The following PRR5L variants were observed in gnomAD, a reference collection of about 807,000 sequenced individuals.
PRR5L encodes proline-rich protein 5-like.
A neutral mutation model predicts 36.4 loss-of-function variants in PRR5L; 21 were observed. That is an observed-to-expected ratio of 0.58 (90% CI 0.41 to 0.83). PRR5L has a LOEUF of 0.83. Among genes scored for constraint, PRR5L ranks in the 40% least tolerant of loss-of-function variants. The pLI is 0.00. For missense variants in PRR5L, 381 were observed against 473.3 expected (o/e 0.80, Z 1.81); for synonymous variants, 188 against 197.0 (o/e 0.95, Z 0.38).
intron 7 of PRR5L, among the ~76,000 whole-genome samples, chr11:36,449,759 G>A (rs1858906111): frequency 6.6e-6 from 1 of 152,196 alleles, no homozygotes. Context: ...TAGCTGTTTG[G>A]CAGCCAAGCC....
chr11:36,379,881 T>G (rs1857339427), intron 1 of PRR5L, among the ~76,000 whole-genome samples: 1 of 152,198 alleles, frequency 6.6e-6, no homozygotes, highest in African/African-American at 2.4e-5. Flanking sequence ...GCTATGGTAA[T>G]GGTATTTGCG....
intron 8 of PRR5L, among the ~76,000 whole-genome samples, chr11:36,453,649 T>A (rs1028472604): frequency 8.5e-5 from 13 of 152,176 alleles, no homozygotes; most frequent in African/African-American, 3.1e-4. Flanking sequence ...AGCCAACCCA[T>A]CCCTGCCCTC....
At chr11:36,435,835 A>G (rs576547492) in intron 5 of PRR5L, among the ~76,000 whole-genome samples, 2 of 152,352 alleles carry the variant, frequency 1.3e-5, no homozygotes, top group South Asian at 2.1e-4. Flanking sequence ...GCAAAAATCT[A>G]TACACTTGGC....
intron 1 of PRR5L, among the ~76,000 whole-genome samples, chr11:36,322,677 C>T (rs1856624052): frequency 1.3e-5 from 2 of 152,196 alleles, no homozygotes; most frequent in Non-Finnish European, 2.9e-5. Context: ...GGGCTAGGCA[C>T]ATAACCTGAG....
chr11:36,392,334 G>A (rs945075223), intron 1 of PRR5L, among the ~76,000 whole-genome samples: 2 of 152,104 alleles, frequency 1.3e-5, no homozygotes, highest in African/African-American at 4.8e-5. Flanking sequence ...TATATACTCA[G>A]CAGTGAGATT....
At chr11:36,315,245 C>A (rs1017922767) in intron 1 of PRR5L, among the ~76,000 whole-genome samples, 1 of 152,064 alleles carries the variant, frequency 6.6e-6, no homozygotes, top group Non-Finnish European at 1.5e-5. Context: ...ATACTGCATG[C>A]AAAAACAGAG....
chr11:36,353,740 C>T (rs1321962577), intron 1 of PRR5L, among the ~76,000 whole-genome samples: 1 of 152,198 alleles, frequency 6.6e-6, no homozygotes, highest in African/African-American at 2.4e-5. Flanking sequence ...GAATTTAATG[C>T]TGCAGCTGAT....
At chr11:36,317,728 G>C (rs1434734076) in intron 1 of PRR5L, among the ~76,000 whole-genome samples, 1 of 152,156 alleles carries the variant, frequency 6.6e-6, no homozygotes, top group South Asian at 2.1e-4. Flanking sequence ...AGTTCCAGTT[G>C]TTCATCATTC....
At chr11:36,395,656 C>T (rs1352706806) in intron 1 of PRR5L, among the ~76,000 whole-genome samples, 1 of 152,114 alleles carries the variant, frequency 6.6e-6, no homozygotes, top group Non-Finnish European at 1.5e-5. Flanking sequence ...AAAATAGGGG[C>T]ACATAGAGTT....
At chr11:36,345,072 A>G (rs1856850560) in intron 1 of PRR5L, among the ~76,000 whole-genome samples, 1 of 152,050 alleles carries the variant, frequency 6.6e-6, no homozygotes, top group Admixed American at 6.5e-5. Context: ...GCTTGACTGG[A>G]GGCTAGGAAG....
At chr11:36,350,972 A>T (rs1196316859) in intron 1 of PRR5L, among the ~76,000 whole-genome samples, 21 of 48,386 alleles carry the variant, frequency 4.3e-4, no homozygotes, top group South Asian at 1.8e-3. Flanking sequence ...TTATATATTT[A>T]TATATATTTA....
chr11:36,447,472 A>G (rs1327939692), intron 7 of PRR5L, among the ~76,000 whole-genome samples: 1 of 152,184 alleles, frequency 6.6e-6, no homozygotes, highest in Admixed American at 6.5e-5. Context: ...GGGGCACACA[A>G]TTCTCGACGA....
intron 1 of PRR5L, among the ~76,000 whole-genome samples, chr11:36,374,494 C>A (rs888966915): frequency 1.0e-4 from 15 of 149,640 alleles, no homozygotes; most frequent in Admixed American, 9.3e-4. Flanking sequence ...GAGGGAGGGG[C>A]GAATTACAAC....
chr11:36,348,122 C>CT (rs1483834324), intron 1 of PRR5L, among the ~76,000 whole-genome samples: 1 of 152,156 alleles, frequency 6.6e-6, no homozygotes, highest in African/African-American at 2.4e-5. Context: ...GGTCGTTACT[C>CT]TAACAGCTGC....
intron 7 of PRR5L, among the ~76,000 whole-genome samples, chr11:36,449,665 T>C (rs1397216094): frequency 6.6e-6 from 1 of 152,136 alleles, no homozygotes; most frequent in Non-Finnish European, 1.5e-5. Flanking sequence ...GGTTTTATTT[T>C]CTCCCATCAG....
intron 1 of PRR5L, among the ~76,000 whole-genome samples, chr11:36,311,609 CT>C (rs1274296745): frequency 2.6e-5 from 4 of 152,104 alleles, no homozygotes; most frequent in Non-Finnish European, 5.9e-5. Context: ...CAAGATGTCA[CT>C]TTTTTTTCTG....
intron 1 of PRR5L, chr11:36,376,056 G>A (rs1590500419): frequency 2.3e-6 from 2 of 880,980 alleles, no homozygotes; most frequent in Non-Finnish European, 3.3e-6. Flanking sequence ...CGTTGTGTGA[G>A]AGAAACGCAA....
chr11:36,403,006 G>A (rs1361997875), intron 2 of PRR5L, among the ~76,000 whole-genome samples: 6 of 152,218 alleles, frequency 3.9e-5, no homozygotes, highest in East Asian at 1.9e-4. Flanking sequence ...AGTTTCCTGC[G>A]ATCAGATCCC....
intron 1 of PRR5L, among the ~76,000 whole-genome samples, chr11:36,392,140 C>A (rs991994943): frequency 1.4e-4 from 22 of 152,312 alleles, no homozygotes; most frequent in Non-Finnish European, 2.6e-4. Flanking sequence ...TTGCAAATGA[C>A]AGGATCTCAT....
Sources: gnomAD v4.1 joint callset for allele counts (sites outside exome capture counted in the v4.1 genomes callset) on GRCh38, gnomAD v4.1.1 for gene constraint, MANE v1.5 for transcripts, NCBI Gene and HGNC (gene_info 2026-07-23, HGNC 2026-07-21) for gene names.